Variants in KCNQ5 observed in about 807,000 individuals in gnomAD.
The protein encoded by KCNQ5 is potassium voltage-gated channel subfamily Q member 5, also known as potassium voltage-gated channel subfamily KQT member 5.
KCNQ5 carries 30 observed loss-of-function variants against 98.2 expected under a neutral mutation model. The ratio of observed to expected loss-of-function variants is 0.31; its 90% CI spans 0.23 to 0.41. The LOEUF (loss-of-function observed/expected upper bound fraction) is 0.41. Among genes scored for constraint, KCNQ5 ranks in the 10% least tolerant of loss-of-function variants. The pLI is 1.00. For synonymous variants in KCNQ5, 458 were observed against 449.4 expected, an observed-to-expected ratio of 1.02 and a Z score of -0.24; for missense variants, 835 against 1,182.5, an observed-to-expected ratio of 0.71 and a Z score of 4.31.
intron 1 of KCNQ5, among the ~76,000 whole-genome samples, chr6:72,869,655 T>C (rs1373254479): frequency 1.3e-5 from 2 of 152,352 alleles, no homozygotes; most frequent in Admixed American, 6.5e-5. Flanking sequence ...TGTTTTTACA[T>C]TGAAAAGGAT....
At chr6:72,668,095 G>A (rs1048028640) in intron 1 of KCNQ5, among the ~76,000 whole-genome samples, 3 of 152,130 alleles carry the variant, frequency 2.0e-5, no homozygotes, top group Non-Finnish European at 4.4e-5. Flanking sequence ...TTTGATAAAT[G>A]TACTATGATT....
intron 10 of KCNQ5, among the ~76,000 whole-genome samples, chr6:73,155,096 G>A (rs1314709769): frequency 1.3e-5 from 2 of 152,152 alleles, no homozygotes; most frequent in East Asian, 1.9e-4. Context: ...CTTCAGAGGT[G>A]GTAGACTCTT....
chr6:72,931,152 A>G (rs1765676360), intron 1 of KCNQ5, among the ~76,000 whole-genome samples: 1 of 152,178 alleles, frequency 6.6e-6, no homozygotes, highest in African/African-American at 2.4e-5. Flanking sequence ...TTAACTGGAT[A>G]CTAAAGTTTG....
intron 1 of KCNQ5, among the ~76,000 whole-genome samples, chr6:72,982,468 A>T (rs1425236494): frequency 7.0e-6 from 1 of 143,316 alleles, no homozygotes; most frequent in Non-Finnish European, 1.5e-5. Context: ...TTTATCAGAG[A>T]CTAGGATTGC....
chr6:72,837,211 A>G (rs935673741), intron 1 of KCNQ5, among the ~76,000 whole-genome samples: 3 of 152,224 alleles, frequency 2.0e-5, no homozygotes, highest in African/African-American at 7.2e-5. Flanking sequence ...AAATAATAGT[A>G]TAAGCATAAC....
At chr6:72,764,639 T>C (rs1280341752) in intron 1 of KCNQ5, among the ~76,000 whole-genome samples, 1 of 152,006 alleles carries the variant, frequency 6.6e-6, no homozygotes, top group Non-Finnish European at 1.5e-5. Context: ...TAAAAAGTTA[T>C]TTTAAAATGT....
At chr6:73,055,902 C>A in intron 3 of KCNQ5, 1 of 554,204 alleles carries the variant, frequency 1.8e-6, no homozygotes, top group South Asian at 1.7e-5. Flanking sequence ...ATCCATCTGT[C>A]CCTCCCTCCT....
In KCNQ5 at chr6:72,954,531, C is replaced by CTGTG. The variant is rs3068309; in HGVS notation, c.399-49347_399-49344dup. Among the ~76,000 whole-genome samples the CTGTG allele has an allele frequency of 5.5e-3, 834 of 150,532 alleles. 8 individuals carry two copies. The highest frequency in any genetic ancestry group is 0.019 in the East Asian group (95 of 5,114). Reference sequence around the variant, plus strand: ...TCTCGGAAGATCTTTCAAGACTTTTCTGTGTGTGTGTGTGTGTGTGTGTGT... The same window carrying CTGTG: ...TCTCGGAAGATCTTTCAAGACTTTTCTGTGTGTGTGTGTGTGTGTGTGTGTGTGT... On this transcript the variant is annotated intron_variant, in intron 1 of 13. Transcript: ENST00000370398.
chr6:72,965,758 A>T (rs1767575696), intron 1 of KCNQ5, among the ~76,000 whole-genome samples: 1 of 152,228 alleles, frequency 6.6e-6, no homozygotes, highest in Admixed American at 6.5e-5. Context: ...AATTTTTAGG[A>T]AATGCTCATT....
chr6:72,628,813 A>G lies in KCNQ5; in HGVS notation c.398+6226A>G, dbSNP rs377127398. On this transcript the variant is annotated intron_variant, in intron 1 of 13. Coordinates refer to ENST00000370398, the MANE Select transcript of KCNQ5 (RefSeq NM_019842.4). Reference sequence around the variant, plus strand: ...TTTTTAGTAGAGATGGGGTTTCGCTATGTTGGCCAGGCTGGTCTCATTCTC... The same window carrying G: ...TTTTTAGTAGAGATGGGGTTTCGCTGTGTTGGCCAGGCTGGTCTCATTCTC... Among the ~76,000 whole-genome samples the G allele has an allele frequency of 3.3e-5, 5 of 152,134 alleles. No individual in the cohort carries two copies. In the East Asian group the frequency reaches 7.7e-4, roughly 24 times the overall value.
intron 1 of KCNQ5, among the ~76,000 whole-genome samples, chr6:72,894,191 ATTCTGACACTT>A (rs1002474707): frequency 6.6e-6 from 1 of 152,166 alleles, no homozygotes; most frequent in Non-Finnish European, 1.5e-5. Flanking sequence ...CAAAGCAATT[ATTCTGACACTT>A]GAAATTTTAC....
chr6:72,698,636 T>TTTC (rs1554689810), intron 1 of KCNQ5, among the ~76,000 whole-genome samples: 21,765 of 119,428 alleles, frequency 0.18, 2,698 homozygotes, highest in African/African-American at 0.32. Context: ...TCTGTGTTTT[T>TTTC]TTCTTCTTCT....
intron 5 of KCNQ5, among the ~76,000 whole-genome samples, chr6:73,093,328 C>A (rs1357630822): frequency 6.6e-6 from 1 of 152,032 alleles, no homozygotes. Context: ...AACGGTCTAT[C>A]AATTTTATTC....
chr6:72,637,057 G>A (rs1416025967), intron 1 of KCNQ5, among the ~76,000 whole-genome samples: 3 of 152,166 alleles, frequency 2.0e-5, no homozygotes, highest in Non-Finnish European at 4.4e-5. Flanking sequence ...ACTCATCATA[G>A]TAATTTCTAA....
intron 1 of KCNQ5, among the ~76,000 whole-genome samples, chr6:72,877,397 C>T (rs757791800): frequency 6.6e-6 from 1 of 152,176 alleles, no homozygotes; most frequent in South Asian, 2.1e-4. Flanking sequence ...CAAGATCTCA[C>T]TCTATTTTAT....
chr6:73,162,043 A>G (rs1377793431), intron 10 of KCNQ5, among the ~76,000 whole-genome samples: 1 of 151,584 alleles, frequency 6.6e-6, no homozygotes, highest in African/African-American at 2.4e-5. Context: ...CAGCCTCCCA[A>G]GTAGCTGGGA....
intron 1 of KCNQ5, among the ~76,000 whole-genome samples, chr6:72,714,924 T>G (rs917964631): frequency 6.6e-6 from 1 of 152,134 alleles, no homozygotes; most frequent in East Asian, 1.9e-4. Flanking sequence ...CAGGAGATAA[T>G]AAAGGAAATG....
intron 1 of KCNQ5, among the ~76,000 whole-genome samples, chr6:72,754,378 TTG>T (rs1771848490): frequency 6.6e-6 from 1 of 152,182 alleles, no homozygotes; most frequent in Non-Finnish European, 1.5e-5. Context: ...ATCATCTTTT[TTG>T]TGTTTCATTA....
intron 1 of KCNQ5, among the ~76,000 whole-genome samples, chr6:72,886,920 A>G (rs1778867427): frequency 6.6e-6 from 1 of 152,144 alleles, no homozygotes; most frequent in Non-Finnish European, 1.5e-5. Context: ...ATTTTCCTAA[A>G]AGGTCTACTT....
Sources: gnomAD v4.1 joint callset for allele counts (sites outside exome capture counted in the v4.1 genomes callset) on GRCh38, gnomAD v4.1.1 for gene constraint, MANE v1.5 for transcripts, NCBI Gene and HGNC (gene_info 2026-07-23, HGNC 2026-07-21) for gene names.